Variants in LRRTM4 observed in about 807,000 individuals in gnomAD.
LRRTM4 encodes leucine-rich repeat transmembrane neuronal protein 4.
Under a neutral mutation model 47.6 loss-of-function variants are expected in LRRTM4, and 25 were observed. The observed-to-expected ratio is 0.53, with a 90% CI of 0.38 to 0.73. LRRTM4 has a LOEUF of 0.73. Ranked by LOEUF, LRRTM4 falls within the 30% of genes least tolerant of loss-of-function variation. The pLI is 0.00. For synonymous variants in LRRTM4, 311 were observed against 269.5 expected, an observed-to-expected ratio of 1.15 and a Z score of -1.51; for missense variants, 638 against 713.4, an observed-to-expected ratio of 0.89 and a Z score of 1.20.
At chr2:76,936,619 C>T (rs186666899) in intron 3 of LRRTM4, among the ~76,000 whole-genome samples, 179 of 149,924 alleles carry the variant, frequency 1.2e-3, no homozygotes, top group Middle Eastern at 3.5e-3. Flanking sequence ...AAAGAAAAAG[C>T]CTTGCAGTGA....
intron 3 of LRRTM4, among the ~76,000 whole-genome samples, chr2:76,816,642 C>T (rs12623349): frequency 6.6e-6 from 1 of 151,400 alleles, no homozygotes; most frequent in Non-Finnish European, 1.5e-5. Context: ...TACATATTTT[C>T]TTAATAATTA....
Position 77,518,816 on chromosome 2 carries a change from A to C in LRRTM4, c.1053T>G (p.Ser351Arg). Residue 351 changes from serine (S) to arginine (R), a missense_variant, in exon 3 of 4, where the codon AGT becomes AGG. Transcript: ENST00000409884. ...AGATATTATATGTTTCCACTGCATC[A>C]CTAACCTTTTCACCCTGGATGTGCT... is the stretch of plus-strand genomic sequence containing the variant. ...GPKHIQGEKVSDAVETYNICS... is the reference protein window; with the variant it reads ...GPKHIQGEKVRDAVETYNICS... 6.2e-7 allele frequency: 1 copy of C among 1,611,508 alleles called. No individual in the cohort carries two copies. Among genetic ancestry groups the C allele is most frequent in the South Asian group, 1.1e-5 (1 of 90,836 alleles).
intron 3 of LRRTM4, among the ~76,000 whole-genome samples, chr2:76,905,776 C>T (rs932529580): frequency 8.6e-5 from 13 of 151,446 alleles, no homozygotes; most frequent in Middle Eastern, 3.4e-3. Context: ...TGAAATGAAG[C>T]GAGAAGGCAA....
chr2:76,798,828 C>G lies in LRRTM4; in HGVS notation c.1552-49912G>C, dbSNP rs192176402. Reference sequence around the variant, plus strand: ...TCAGAGAATACTACAAACACCTCTACGCAAATAAACTAGAAAATCTACAAG... The same window carrying G: ...TCAGAGAATACTACAAACACCTCTAGGCAAATAAACTAGAAAATCTACAAG... On this transcript the variant is annotated intron_variant, in intron 3 of 3. Coordinates refer to ENST00000409884, the MANE Select transcript of LRRTM4 (RefSeq NM_001134745.3). Among the ~76,000 whole-genome samples, 839 of 152,152 alleles carry G rather than the reference C, an allele frequency of 5.5e-3. 7 individuals carry two copies. The highest frequency in any genetic ancestry group is 8.7e-3 in the Non-Finnish European group (593 of 67,986).
Position 77,517,058 on chromosome 2 carries a change from C to T in LRRTM4, c.1551+1260G>A, listed in dbSNP as rs139344869. 45 of 985,008 alleles carry T rather than the reference C, an allele frequency of 4.6e-5. No homozygotes were observed. The African/African-American group carries it at 5.8e-4, about 13-fold the overall frequency. The allele number at this position is 985,008 out of a possible 1,614,324, so 61.0% of individuals were successfully genotyped here. A position where few individuals can be genotyped will look rare whatever the true frequency, so the allele number is the denominator to read the frequency against. On this transcript the variant is annotated intron_variant, in intron 3 of 3. Transcript: ENST00000409884. ...ACATTATATTGCCAGAATTTAACCT[C>T]TCTTCACTAGTTTCTTCCAGCAACA...
chr2:76,825,324 G>A (rs1671162727), intron 3 of LRRTM4, among the ~76,000 whole-genome samples: 1 of 151,772 alleles, frequency 6.6e-6, no homozygotes, highest in South Asian at 2.1e-4. Flanking sequence ...AGAGATAATG[G>A]CTGGTTGAAA....
At chr2:76,772,505 T>C (rs1277518039) in intron 3 of LRRTM4, among the ~76,000 whole-genome samples, 1 of 152,198 alleles carries the variant, frequency 6.6e-6, no homozygotes, top group Non-Finnish European at 1.5e-5. Flanking sequence ...GACAAATATG[T>C]TTTAAAAATC....
At chr2:76,826,751 C>G (rs1179621649) in intron 3 of LRRTM4, among the ~76,000 whole-genome samples, 2 of 151,848 alleles carry the variant, frequency 1.3e-5, no homozygotes, top group Non-Finnish European at 2.9e-5. Flanking sequence ...GGGCATCACA[C>G]TGATTCAAGT....
At chr2:77,209,436 A>C (rs967441367) in intron 3 of LRRTM4, among the ~76,000 whole-genome samples, 1 of 152,060 alleles carries the variant, frequency 6.6e-6, no homozygotes, top group Non-Finnish European at 1.5e-5. Context: ...GAAAAAAAAA[A>C]AAACAAAAAA....
At chr2:77,301,312 TAAC>T (rs1244437565) in intron 3 of LRRTM4, among the ~76,000 whole-genome samples, 1 of 152,100 alleles carries the variant, frequency 6.6e-6, no homozygotes, top group East Asian at 1.9e-4. Flanking sequence ...TTGAGATATA[TAAC>T]AACACCATAG....
chr2:76,886,306 C>T (rs946416164), intron 3 of LRRTM4, among the ~76,000 whole-genome samples: 9 of 152,144 alleles, frequency 5.9e-5, no homozygotes, highest in South Asian at 4.1e-4. Context: ...TCTCATTAAT[C>T]ATAATTAGAC....
intron 3 of LRRTM4, among the ~76,000 whole-genome samples, chr2:77,031,241 A>C (rs1173949512): frequency 6.6e-6 from 1 of 152,174 alleles, no homozygotes; most frequent in Non-Finnish European, 1.5e-5. Context: ...TTGTGTAGCT[A>C]AGTGTACTAT....
At chr2:77,407,323 A>C (rs1674234306) in intron 3 of LRRTM4, among the ~76,000 whole-genome samples, 1 of 151,958 alleles carries the variant, frequency 6.6e-6, no homozygotes, top group Non-Finnish European at 1.5e-5. Flanking sequence ...ATGTGCCCTG[A>C]AATATTTTTA....
chr2:77,173,801 C>T (rs1391569125), intron 3 of LRRTM4, among the ~76,000 whole-genome samples: 1 of 152,122 alleles, frequency 6.6e-6, no homozygotes, highest in South Asian at 2.1e-4. Flanking sequence ...CAGCCCCTTC[C>T]CCCAAGATCC....
At chr2:77,169,365 C>A (rs1279612681) in intron 3 of LRRTM4, among the ~76,000 whole-genome samples, 1 of 151,882 alleles carries the variant, frequency 6.6e-6, no homozygotes, top group East Asian at 1.9e-4. Flanking sequence ...TTAGAAATTC[C>A]ATTTTGTTCA....
At chr2:77,334,469 T>C (rs1671088334) in intron 3 of LRRTM4, among the ~76,000 whole-genome samples, 1 of 152,168 alleles carries the variant, frequency 6.6e-6, no homozygotes, top group African/African-American at 2.4e-5. Flanking sequence ...TGATAGTGAA[T>C]GAGTCTTATG....
Position 76,905,717 on chromosome 2 carries a change from G to A in LRRTM4, c.1552-156801C>T, listed in dbSNP as rs570618986. On this transcript the variant is annotated intron_variant, in intron 3 of 3. Coordinates refer to ENST00000409884, the MANE Select transcript of LRRTM4 (RefSeq NM_001134745.3). The stretch of plus-strand genomic sequence containing the variant: ...GAAGAATGCAGAAGCCTCAGGAGCC[G>A]ATGCGATCAACTGGAAGAAAGGGTA... 1.5e-4 allele frequency among the ~76,000 whole-genome samples: 23 copies of A among 149,940 alleles called. No individual in the cohort carries two copies. The South Asian group carries it at 3.2e-3, about 21-fold the overall frequency.
At chr2:76,943,825 T>C (rs776129052) in intron 3 of LRRTM4, among the ~76,000 whole-genome samples, 1 of 152,204 alleles carries the variant, frequency 6.6e-6, no homozygotes, top group Non-Finnish European at 1.5e-5. Context: ...AGCCTTAATG[T>C]CTTGCTTATC....
chr2:76,893,413 T>C (rs1328371908), intron 3 of LRRTM4, among the ~76,000 whole-genome samples: 2 of 151,708 alleles, frequency 1.3e-5, no homozygotes, highest in Non-Finnish European at 2.9e-5. Flanking sequence ...CTGATAACAT[T>C]AATTTTAAAA....
Sources: allele counts gnomAD v4.1 joint callset (sites outside exome capture counted in the v4.1 genomes callset), GRCh38; gene constraint gnomAD v4.1.1; transcripts MANE v1.5; gene names NCBI Gene and HGNC (gene_info 2026-07-23, HGNC 2026-07-21).